Variants in MECOM observed in about 807,000 individuals in gnomAD.
The protein encoded by MECOM is histone-lysine N-methyltransferase MECOM.
Under a neutral mutation model 116.3 loss-of-function variants are expected in MECOM, and 13 were observed. The observed-to-expected ratio is 0.11, with a 90% CI of 0.07 to 0.18. The LOEUF (loss-of-function observed/expected upper bound fraction) is 0.18. Ranked by LOEUF, MECOM falls within the 10% of genes least tolerant of loss-of-function variation. MECOM has a pLI of 1.00. For synonymous variants in MECOM, 528 were observed against 535.2 expected (o/e 0.99, Z 0.19); for missense variants, 1,299 against 1,509.0 (o/e 0.86, Z 2.31).
At chr3:169,655,559 C>T (rs1022487350) in intron 1 of MECOM, among the ~76,000 whole-genome samples, 1 of 152,126 alleles carries the variant, frequency 6.6e-6, no homozygotes, top group East Asian at 1.9e-4. Flanking sequence ...TTACACATCC[C>T]CCTCACCCCG....
At chr3:169,085,149 G>T in intron 16 of MECOM, 106 bp from the exon 17 acceptor site, 3 of 1,385,296 alleles carry the variant, frequency 2.2e-6, no homozygotes, top group South Asian at 1.3e-5. Flanking sequence ...CTGAGTAGGG[G>T]CATCCTTCAT....
At chr3:169,244,646 A>G (rs561349984) in intron 2 of MECOM, among the ~76,000 whole-genome samples, 1 of 152,312 alleles carries the variant, frequency 6.6e-6, no homozygotes, top group South Asian at 2.1e-4. Context: ...AGTTTCTGAC[A>G]TGCCACCGCA....
At chr3:169,443,939 T>C (rs1484251241) in intron 1 of MECOM, among the ~76,000 whole-genome samples, 3 of 152,226 alleles carry the variant, frequency 2.0e-5, no homozygotes, top group Non-Finnish European at 4.4e-5. Context: ...CCTTTTCACA[T>C]CAAATCCCAC....
intron 1 of MECOM, among the ~76,000 whole-genome samples, chr3:169,584,867 C>G (rs1341244870): frequency 6.6e-6 from 1 of 151,904 alleles, no homozygotes; most frequent in Non-Finnish European, 1.5e-5. Context: ...TGAGCAGTAC[C>G]AAAAAGTACT....
intron 1 of MECOM, among the ~76,000 whole-genome samples, chr3:169,518,033 G>T (rs755273832): frequency 2.6e-5 from 4 of 152,320 alleles, no homozygotes; most frequent in Admixed American, 6.5e-5. Context: ...GCCAAGGCGG[G>T]CTGATCACAA....
chr3:169,627,162 G>A (rs1421484139), intron 1 of MECOM, among the ~76,000 whole-genome samples: 1 of 152,160 alleles, frequency 6.6e-6, no homozygotes, highest in Non-Finnish European at 1.5e-5. Flanking sequence ...GGATCCAATT[G>A]ACAGTTTTAC....
chr3:169,274,380 T>C (rs1271665305), intron 2 of MECOM, among the ~76,000 whole-genome samples: 1 of 152,222 alleles, frequency 6.6e-6, no homozygotes, highest in Non-Finnish European at 1.5e-5. Flanking sequence ...ATGTATATCA[T>C]GAACTAAGTA....
At chr3:169,297,358 T>A (rs1182783061) in intron 2 of MECOM, among the ~76,000 whole-genome samples, 4 of 152,226 alleles carry the variant, frequency 2.6e-5, no homozygotes, top group Admixed American at 6.5e-5. Context: ...ACAGTAGTCA[T>A]TTATCTGACA....
chr3:169,262,985 C>A (rs1197036401), intron 2 of MECOM, among the ~76,000 whole-genome samples: 5 of 148,794 alleles, frequency 3.4e-5, no homozygotes, highest in Non-Finnish European at 7.4e-5. Flanking sequence ...TTACTCATGT[C>A]TTTTCTTTGA....
At chr3:169,089,253 G>T in intron 15 of MECOM, 70 bp from the exon 16 acceptor site, 1 of 1,185,490 alleles carries the variant, frequency 8.4e-7, no homozygotes, top group East Asian at 2.7e-5. Flanking sequence ...ACTTTCATTT[G>T]AATCTATCTA....
At chr3:169,622,419 C>T (rs544614576) in intron 1 of MECOM, among the ~76,000 whole-genome samples, 25 of 152,208 alleles carry the variant, frequency 1.6e-4, no homozygotes, top group Non-Finnish European at 2.2e-4. Context: ...CATTTTTAAA[C>T]GAAAGGAGTT....
chr3:169,147,085 A>G (rs1229401807), intron 2 of MECOM: 5 of 987,840 alleles, frequency 5.1e-6, no homozygotes, highest in Middle Eastern at 5.2e-4. Flanking sequence ...ATGAGCTCGG[A>G]GCTATTCCTT....
At chr3:169,468,698 G>C (rs1385984728) in intron 1 of MECOM, among the ~76,000 whole-genome samples, 1 of 152,220 alleles carries the variant, frequency 6.6e-6, no homozygotes, top group East Asian at 1.9e-4. Flanking sequence ...AAGCATTATT[G>C]TTAATGCATT....
chr3:169,183,617 C>T (rs1271858890), intron 2 of MECOM, among the ~76,000 whole-genome samples: 1 of 152,002 alleles, frequency 6.6e-6, no homozygotes. Context: ...CTGAGCAGCT[C>T]CTCCTGCCTC....
At chr3:169,313,577 G>A (rs1719190767) in intron 2 of MECOM, among the ~76,000 whole-genome samples, 1 of 152,180 alleles carries the variant, frequency 6.6e-6, no homozygotes, top group South Asian at 2.1e-4. Context: ...GTGACAGAAG[G>A]AAAGGCAGAA....
chr3:169,546,115 T>C (rs1760693821), intron 1 of MECOM, among the ~76,000 whole-genome samples: 2 of 152,198 alleles, frequency 1.3e-5, no homozygotes, highest in Admixed American at 6.5e-5. Context: ...TTAATTCAAC[T>C]TGTTTTCCTA....
At chr3:169,620,411 C>A (rs1055807395) in intron 1 of MECOM, among the ~76,000 whole-genome samples, 12 of 152,212 alleles carry the variant, frequency 7.9e-5, no homozygotes, top group Non-Finnish European at 1.6e-4. Context: ...GATGAAAATT[C>A]TTTGCCAAAT....
rs1729128024 is a variant in MECOM, at chr3:169,116,281, G to A, written c.1591C>T (p.His531Tyr). ...TGTGTAGCTGGCAGTATCTGAGGATGTGTCATGAGGGGACTTTGACTTTTG... is the reference window on the plus strand; with the variant it reads ...TGTGTAGCTGGCAGTATCTGAGGATATGTCATGAGGGGACTTTGACTTTTG... ...TNKSQSPLMT[H>Y]PQILPATQDI... The change falls in exon 8 of 17, where the codon CAT (histidine) becomes TAT (tyrosine). Residue 531 changes from histidine (H) to tyrosine (Y), a missense_variant. His to Tyr is a moderately conservative substitution (Grantham distance 83). This residue lies in a region of MECOM where 238 missense variants were observed against 273.1 expected (regional missense o/e 0.87). Transcript: ENST00000651503. 1 of 1,614,076 alleles carries A rather than the reference G, an allele frequency of 6.2e-7. No individual in the cohort carries two copies. Among genetic ancestry groups the A allele is most frequent in the South Asian group, 1.1e-5 (1 of 91,084 alleles).
At chr3:169,323,948 A>G (rs935287835) in intron 2 of MECOM, among the ~76,000 whole-genome samples, 3 of 152,152 alleles carry the variant, frequency 2.0e-5, no homozygotes, top group African/African-American at 7.2e-5. Context: ...CAGCACACTA[A>G]CATCTCTTCT....
Sources: allele counts gnomAD v4.1 joint callset (sites outside exome capture counted in the v4.1 genomes callset), GRCh38; gene constraint gnomAD v4.1.1; regional missense constraint gnomAD v4.1.1; transcripts MANE v1.5; gene names NCBI Gene and HGNC (gene_info 2026-07-23, HGNC 2026-07-21).